Variants in TSPAN9 observed in about 807,000 individuals in gnomAD.
TSPAN9 encodes the protein tetraspanin-9.
A neutral mutation model predicts 31.0 loss-of-function variants in TSPAN9; 16 were observed. The ratio of observed to expected loss-of-function variants is 0.52; its 90% CI spans 0.35 to 0.78. The LOEUF is 0.78. Among genes scored for constraint, TSPAN9 ranks in the 30% least tolerant of loss-of-function variants. The probability of loss-of-function intolerance (pLI) is 0.01; values close to 1 mark genes in which losing one functional copy is unlikely to be tolerated. For missense variants in TSPAN9, 272 were observed against 312.5 expected (o/e 0.87, Z 0.98); for synonymous variants, 145 against 121.6 (o/e 1.19, Z -1.27).
chr12:3,179,891 C>G (rs1176169545), intron 2 of TSPAN9, among the ~76,000 whole-genome samples: 3 of 152,178 alleles, frequency 2.0e-5, no homozygotes, highest in African/African-American at 7.2e-5. Context: ...TCTCTTCTCA[C>G]GGTACACGTA....
At chr12:3,095,196 C>T (rs921885505) in intron 2 of TSPAN9, among the ~76,000 whole-genome samples, 3 of 115,520 alleles carry the variant, frequency 2.6e-5, no homozygotes, top group Non-Finnish European at 5.6e-5. Context: ...GGTAAGGTCA[C>T]AGATCAACAG....
chr12:3,230,966 C>G (rs2098390432), intron 3 of TSPAN9, among the ~76,000 whole-genome samples: 1 of 152,116 alleles, frequency 6.6e-6, no homozygotes, highest in East Asian at 1.9e-4. Context: ...GGGTTGGGAG[C>G]TGGGGGCGGG....
chr12:3,197,743 AC>A lies in TSPAN9; in HGVS notation c.-17-3432del, dbSNP rs1401119934. 8.5e-3 allele frequency among the ~76,000 whole-genome samples: 828 copies of A among 97,736 alleles called. 8 individuals are homozygous for A. The highest frequency in any genetic ancestry group is 0.038 in the African/African-American group (765 of 20,302). The allele number at this position is 97,736 out of a possible 152,430, so 64.1% of individuals were successfully genotyped here. ...GCACAGGTCACCACCAGCACAGGCCACCACCAGCACAGGTCACCAGCACAGG... is the reference window on the plus strand; with the variant it reads ...GCACAGGTCACCACCAGCACAGGCCACACCAGCACAGGTCACCAGCACAGG... On this transcript the variant is annotated intron_variant, in intron 2 of 8. Coordinates refer to ENST00000011898, the MANE Select transcript of TSPAN9 (RefSeq NM_006675.5).
chr12:3,094,871 TTTTTA>T (rs2098307131), intron 2 of TSPAN9, among the ~76,000 whole-genome samples: 3 of 85,528 alleles, frequency 3.5e-5, no homozygotes, highest in African/African-American at 1.6e-4. Flanking sequence ...TTTTTTTTTG[TTTTTA>T]AATTTATTTT....
intron 2 of TSPAN9, among the ~76,000 whole-genome samples, chr12:3,194,793 C>T (rs967998792): frequency 1.3e-5 from 2 of 152,230 alleles, no homozygotes; most frequent in African/African-American, 4.8e-5. Context: ...ATCGATGTTA[C>T]CGTCCTTCCT....
At chr12:3,156,413 A>T (rs959522659) in intron 2 of TSPAN9, among the ~76,000 whole-genome samples, 1 of 152,020 alleles carries the variant, frequency 6.6e-6, no homozygotes, top group Non-Finnish European at 1.5e-5. Context: ...TAGGGTGCTG[A>T]TAGAGGCATC....
chr12:3,093,389 G>A (rs1462656520), intron 2 of TSPAN9, among the ~76,000 whole-genome samples: 1 of 152,206 alleles, frequency 6.6e-6, no homozygotes, highest in Non-Finnish European at 1.5e-5. Context: ...AGGAAGAAAA[G>A]TGGAGAGGTA....
In TSPAN9 at chr12:3,247,754, G is replaced by T. The variant is rs79817664; in HGVS notation, c.64-30667G>T. 6.0e-3 allele frequency among the ~76,000 whole-genome samples: 920 copies of T among 152,306 alleles called. 9 individuals carry two copies. Among genetic ancestry groups the T allele is most frequent in the African/African-American group, 0.021 (890 of 41,566 alleles). ...CCAGCCTCCTCTCCATGGATCTGTT[G>T]ATGCCAGTTCGCTGCACAGGCTGTG... On this transcript the variant is annotated intron_variant, in intron 3 of 8. Coordinates refer to ENST00000011898, the MANE Select transcript of TSPAN9 (RefSeq NM_006675.5).
rs111292186 is a variant in TSPAN9, at chr12:3,119,678, G to A, written c.-18+35959G>A. On this transcript the variant is annotated intron_variant, in intron 2 of 8. Transcript: ENST00000011898. ...CCACTGACCACATCCTGTGCACCCC[G>A]CTTCTCCCTTCTTTCAGGTCACCTC... Among the ~76,000 whole-genome samples, 1,040 of 152,270 alleles carry A rather than the reference G, an allele frequency of 6.8e-3. 9 individuals are homozygous for A. Among genetic ancestry groups the A allele is most frequent in the African/African-American group, 0.024 (998 of 41,556 alleles).
At chr12:3,207,051 G>T (rs2098375637) in intron 3 of TSPAN9, among the ~76,000 whole-genome samples, 1 of 152,128 alleles carries the variant, frequency 6.6e-6, no homozygotes, top group Admixed American at 6.5e-5. Context: ...GAAACAAAGG[G>T]TCGTGCCAGT....
chr12:3,198,849 G>C lies in TSPAN9; in HGVS notation c.-17-2328G>C, dbSNP rs866014344. Among the ~76,000 whole-genome samples the C allele has an allele frequency of 4.2e-3, 515 of 123,546 alleles. 19 individuals are homozygous for C. The highest frequency in any genetic ancestry group is 0.021 in the African/African-American group (498 of 23,328). The allele number at this position is 123,546 out of a possible 152,430, so 81.1% of individuals were successfully genotyped here. On this transcript the variant is annotated intron_variant, in intron 2 of 8. Transcript: ENST00000011898. ...ACCAGCACAGGTCACACCAGCACAG[G>C]TCACCACCAGCACAGGCCACCACCA...
At chr12:3,150,762 C>T (rs1002314163) in intron 2 of TSPAN9, among the ~76,000 whole-genome samples, 1 of 152,094 alleles carries the variant, frequency 6.6e-6, no homozygotes, top group Non-Finnish European at 1.5e-5. Context: ...TGCAGGAGAT[C>T]GAATGCTGCC....
chr12:3,226,809 T>TC lies in TSPAN9; in HGVS notation c.63+25556dup, dbSNP rs1555155162. ...ATATATATATATTTTTTTTTTTTTT[T>TC]CCCTCTTCGAACTCCTGGGCTCAAG... On this transcript the variant is annotated intron_variant, in intron 3 of 8. Transcript: ENST00000011898. Among the ~76,000 whole-genome samples the TC allele has an allele frequency of 9.1e-4, 92 of 100,738 alleles. 3 individuals are homozygous for TC. Among genetic ancestry groups the TC allele is most frequent in the African/African-American group, 3.4e-3 (86 of 25,652 alleles). The allele number at this position is 100,738 out of a possible 152,430, so 66.1% of individuals were successfully genotyped here.
intron 3 of TSPAN9, among the ~76,000 whole-genome samples, chr12:3,224,150 G>A (rs529758984): frequency 9.9e-5 from 15 of 152,182 alleles, no homozygotes; most frequent in East Asian, 7.7e-4. Context: ...AATCCTTACC[G>A]CCTCAGACAT....
chr12:3,118,000 T>C (rs568234999), intron 2 of TSPAN9, among the ~76,000 whole-genome samples: 30 of 152,148 alleles, frequency 2.0e-4, no homozygotes, highest in African/African-American at 6.7e-4. Context: ...AGGTGGTTAG[T>C]GCCCCATGCC....
intron 2 of TSPAN9, among the ~76,000 whole-genome samples, chr12:3,121,667 T>A (rs984264201): frequency 4.0e-5 from 6 of 148,510 alleles, no homozygotes; most frequent in African/African-American, 1.5e-4. Flanking sequence ...TATGAGCCAC[T>A]GCACCTGGCT....
intron 2 of TSPAN9, among the ~76,000 whole-genome samples, chr12:3,162,313 C>T (rs1467632605): frequency 6.6e-6 from 1 of 152,224 alleles, no homozygotes; most frequent in Non-Finnish European, 1.5e-5. Context: ...ATCAATCATC[C>T]AGCTTCAGGT....
At chr12:3,171,420 A>G (rs1272012177) in intron 2 of TSPAN9, among the ~76,000 whole-genome samples, 1 of 152,128 alleles carries the variant, frequency 6.6e-6, no homozygotes, top group African/African-American at 2.4e-5. Context: ...CATGTTTTCC[A>G]TAATGCCAGC....
intron 3 of TSPAN9, among the ~76,000 whole-genome samples, chr12:3,230,748 G>A (rs934901949): frequency 3.9e-5 from 6 of 152,004 alleles, no homozygotes; most frequent in African/African-American, 1.5e-4. Context: ...TCCTTCCATC[G>A]GCAGCACACC....
Sources: gnomAD v4.1 joint callset for allele counts (sites outside exome capture counted in the v4.1 genomes callset) on GRCh38, gnomAD v4.1.1 for gene constraint, MANE v1.5 for transcripts, NCBI Gene and HGNC (gene_info 2026-07-23, HGNC 2026-07-21) for gene names.